The following MEI4 variants were observed in gnomAD, a reference collection of about 807,000 sequenced individuals.
MEI4 encodes meiosis-specific protein MEI4.
Under a neutral mutation model 31.4 loss-of-function variants are expected in MEI4, and 27 were observed. The observed-to-expected ratio is 0.86, with a 90% confidence interval of 0.63 to 1.19. The LOEUF (loss-of-function observed/expected upper bound fraction) is 1.19, where lower values mean the gene tolerates loss of function less well. Among genes scored for constraint, MEI4 ranks in the 50% most tolerant of loss-of-function variants. The probability of loss-of-function intolerance (pLI) is 0.00; values close to 1 mark genes in which losing one functional copy is unlikely to be tolerated. For missense variants in MEI4, 329 were observed against 398.9 expected (o/e 0.82, Z 1.49); for synonymous variants, 122 against 145.4 (o/e 0.84, Z 1.16).
chr6:77,822,538 GT>G (rs1375782847), intron 3 of MEI4, among the ~76,000 whole-genome samples: 7 of 151,518 alleles, frequency 4.6e-5, no homozygotes, highest in South Asian at 2.1e-4. Context: ...TTCTAAATTT[GT>G]ATGAGAGTTA....
chr6:77,686,520 T>C (rs1769057273), intron 1 of MEI4, among the ~76,000 whole-genome samples: 1 of 152,164 alleles, frequency 6.6e-6, no homozygotes, highest in South Asian at 2.1e-4. Context: ...CTGTTTTATG[T>C]TTTACTGTAC....
chr6:77,735,503 C>G (rs1025164052), intron 2 of MEI4, among the ~76,000 whole-genome samples: 1 of 152,024 alleles, frequency 6.6e-6, no homozygotes, highest in African/African-American at 2.4e-5. Flanking sequence ...TTAAGCACTT[C>G]TCTGTATTGG....
At chr6:77,821,969 C>T (rs1769837082) in intron 3 of MEI4, among the ~76,000 whole-genome samples, 1 of 152,080 alleles carries the variant, frequency 6.6e-6, no homozygotes, top group Admixed American at 6.6e-5. Flanking sequence ...AGGCCAAAGT[C>T]TTATTTGAAA....
intron 2 of MEI4, among the ~76,000 whole-genome samples, chr6:77,700,810 T>A (rs936748345): frequency 2.6e-5 from 4 of 152,238 alleles, no homozygotes; most frequent in African/African-American, 9.6e-5. Flanking sequence ...TACAGCTTCT[T>A]AATGAATATA....
intron 4 of MEI4, among the ~76,000 whole-genome samples, chr6:77,911,829 A>G (rs1766442010): frequency 1.3e-5 from 2 of 151,198 alleles, no homozygotes; most frequent in African/African-American, 4.9e-5. Context: ...TAGTGCTTTG[A>G]TGAACACGTG....
chr6:77,755,019 ATAAG>A (rs1456273718), intron 2 of MEI4, among the ~76,000 whole-genome samples: 6 of 152,168 alleles, frequency 3.9e-5, no homozygotes, highest in African/African-American at 7.2e-5. Flanking sequence ...GAATGTAGAA[ATAAG>A]TAAGAAAGGT....
chr6:77,899,213 A>T (rs765784929), intron 4 of MEI4, among the ~76,000 whole-genome samples: 5 of 152,070 alleles, frequency 3.3e-5, no homozygotes, highest in Non-Finnish European at 7.4e-5. Context: ...ACTTATACTT[A>T]GATCTCTTTA....
chr6:77,701,276 C>T (rs1210599247), intron 2 of MEI4, among the ~76,000 whole-genome samples: 1 of 152,086 alleles, frequency 6.6e-6, no homozygotes, highest in African/African-American at 2.4e-5. Flanking sequence ...AGACTCACAT[C>T]ACAGAGACTA....
chr6:77,817,882 A>G (rs1769724081), intron 3 of MEI4, among the ~76,000 whole-genome samples: 1 of 152,084 alleles, frequency 6.6e-6, no homozygotes, highest in African/African-American at 2.4e-5. Flanking sequence ...TACATCCAAC[A>G]TCTCCCAGTC....
chr6:77,770,937 T>C (rs1024345415), intron 3 of MEI4, among the ~76,000 whole-genome samples: 2 of 152,042 alleles, frequency 1.3e-5, no homozygotes, highest in African/African-American at 2.4e-5. Flanking sequence ...AATTGACATA[T>C]GGGATCAAAT....
intron 2 of MEI4, among the ~76,000 whole-genome samples, chr6:77,713,698 C>A (rs1278768637): frequency 4.6e-5 from 7 of 152,198 alleles, no homozygotes; most frequent in Non-Finnish European, 8.8e-5. Flanking sequence ...ACTTGATTTT[C>A]ATTCTCGATT....
intron 4 of MEI4, among the ~76,000 whole-genome samples, chr6:77,885,052 T>G (rs1771586421): frequency 6.6e-6 from 1 of 152,100 alleles, no homozygotes; most frequent in African/African-American, 2.4e-5. Context: ...GTAATTTTCC[T>G]TACAGAGTTT....
At chr6:77,745,613 A>C (rs1428952816) in intron 2 of MEI4, among the ~76,000 whole-genome samples, 5 of 152,328 alleles carry the variant, frequency 3.3e-5, no homozygotes, top group African/African-American at 1.2e-4. Flanking sequence ...CTCTGCACCA[A>C]GCAGACATAA....
intron 4 of MEI4, among the ~76,000 whole-genome samples, chr6:77,843,549 T>G (rs1279286130): frequency 2.0e-5 from 3 of 150,502 alleles, no homozygotes; most frequent in Non-Finnish European, 4.4e-5. Flanking sequence ...AAAAAAAAAC[T>G]ATTACAGAAC....
intron 1 of MEI4, among the ~76,000 whole-genome samples, chr6:77,683,642 C>A (rs1474583668): frequency 6.6e-6 from 1 of 152,124 alleles, no homozygotes; most frequent in Admixed American, 6.6e-5. Flanking sequence ...ATAGTGAAAT[C>A]ATGCAGAAGT....
At chr6:77,770,041 G>A (rs1199574585) in intron 3 of MEI4, among the ~76,000 whole-genome samples, 6 of 151,790 alleles carry the variant, frequency 4.0e-5, no homozygotes, top group Admixed American at 3.9e-4. Flanking sequence ...AGAGCACCAA[G>A]AGAGCACCTG....
At chr6:77,693,316 A>G (rs1385568119) in intron 2 of MEI4, among the ~76,000 whole-genome samples, 5 of 152,060 alleles carry the variant, frequency 3.3e-5, no homozygotes, top group African/African-American at 9.7e-5. Context: ...AATGTCTCAA[A>G]TGTTAAAATT....
chr6:77,905,475 C>CTTTTTTTTTTTTTTTTTT lies in MEI4; in HGVS notation c.901-17592_901-17575dup, dbSNP rs70974691. On this transcript the variant is annotated intron_variant, in intron 4 of 4. Transcript: ENST00000684080. ...TTCTATAGATTGTATAAATTTTCAGCTTTTTTTTTTTTTTTTTTTTTTTTT... is the reference window on the plus strand; with the variant it reads ...TTCTATAGATTGTATAAATTTTCAGCTTTTTTTTTTTTTTTTTTTTTTTTTTTTTTTTTTTTTTTTTTT... Among the ~76,000 whole-genome samples, 3 of 93,344 alleles carry CTTTTTTTTTTTTTTTTTT rather than the reference C, an allele frequency of 3.2e-5. 1 individual carries two copies. Among genetic ancestry groups the CTTTTTTTTTTTTTTTTTT allele is most frequent in the Non-Finnish European group, 6.3e-5 (3 of 47,590 alleles). 61.2% of individuals were successfully genotyped at this position (93,344 alleles called of 152,430 possible).
chr6:77,790,065 C>T (rs981450020), intron 3 of MEI4, among the ~76,000 whole-genome samples: 3 of 151,890 alleles, frequency 2.0e-5, no homozygotes, highest in Non-Finnish European at 4.4e-5. Flanking sequence ...CCATGGAATA[C>T]TATGCAGCCA....
Sources: allele counts gnomAD v4.1 joint callset (sites outside exome capture counted in the v4.1 genomes callset), GRCh38; gene constraint gnomAD v4.1.1; transcripts MANE v1.5; gene names NCBI Gene and HGNC (gene_info 2026-07-23, HGNC 2026-07-21).